The following OTUD7B variants were observed in gnomAD, a reference collection of about 807,000 sequenced individuals.
OTUD7B encodes the protein OTU domain-containing protein 7B.
Under a neutral mutation model 82.2 loss-of-function variants are expected in OTUD7B, and 34 were observed. The observed-to-expected ratio is 0.41, with a 90% confidence interval of 0.31 to 0.55. The LOEUF is 0.55. Among genes scored for constraint, OTUD7B ranks in the 20% least tolerant of loss-of-function variants. The pLI is 0.20. For missense variants in OTUD7B, 944 were observed against 1,062.1 expected (o/e 0.89, Z 1.55); for synonymous variants, 398 against 402.7 (o/e 0.99, Z 0.14).
Position 149,952,243 on chromosome 1 carries a change from C to T in OTUD7B, c.846-2022G>A, listed in dbSNP as rs1207794957. 2.7e-5 allele frequency among the ~76,000 whole-genome samples: 4 copies of T among 149,032 alleles called. 1 individual carries two copies. Among genetic ancestry groups the T allele is most frequent in the African/African-American group, 9.9e-5 (4 of 40,244 alleles). ...GGCCTTGGTGTGTGATGTTCCCCAC[C>T]CTGTGTCCAAGTGTTCTTATTGTTC... On this transcript the variant is annotated intron_variant, in intron 7 of 11. Coordinates refer to ENST00000581312, the MANE Select transcript of OTUD7B (RefSeq NM_020205.4).
chr1:149,955,620 C>G (rs1399719461), intron 7 of OTUD7B, among the ~76,000 whole-genome samples: 3 of 151,950 alleles, frequency 2.0e-5, no homozygotes, highest in Non-Finnish European at 2.9e-5. Flanking sequence ...TCTCGTTGAT[C>G]TCTCTAATGT....
the OTUD7B span, among the ~76,000 whole-genome samples, chr1:150,031,320 G>A: frequency 6.6e-6 from 1 of 152,066 alleles, no homozygotes. Context: ...TTCTGGCTCA[G>A]TGCTCTTCTG....
chr1:149,986,085 T>C (rs1340617256), intron 1 of OTUD7B, among the ~76,000 whole-genome samples: 2 of 152,118 alleles, frequency 1.3e-5, no homozygotes, highest in East Asian at 3.9e-4. Context: ...CCCTGCATGG[T>C]AGTTGTGTTT....
chr1:149,992,762 G>A (rs1370638699), intron 1 of OTUD7B, among the ~76,000 whole-genome samples: 5 of 152,044 alleles, frequency 3.3e-5, no homozygotes, highest in Non-Finnish European at 5.9e-5. Flanking sequence ...GTGAGCCACC[G>A]GGCTGGCCTA....
the OTUD7B span, among the ~76,000 whole-genome samples, chr1:150,037,375 ATACAGCT>A: frequency 3.3e-5 from 5 of 152,168 alleles, no homozygotes; most frequent in African/African-American, 1.2e-4. Context: ...CAGTAAAGGC[ATACAGCT>A]CCAAGAACAA....
At chr1:150,056,133 C>A in the OTUD7B span, among the ~76,000 whole-genome samples, 1 of 152,130 alleles carries the variant, frequency 6.6e-6, no homozygotes, top group Non-Finnish European at 1.5e-5. Context: ...TATGAATTTT[C>A]TAGTACTTAC....
chr1:150,026,926 T>C, the OTUD7B span, among the ~76,000 whole-genome samples: 3 of 152,204 alleles, frequency 2.0e-5, no homozygotes, highest in African/African-American at 7.2e-5. Context: ...AGTATATTTA[T>C]ATTTAGAATT....
chr1:149,950,782 G>GTT (rs1164770650), intron 7 of OTUD7B, among the ~76,000 whole-genome samples: 1 of 139,326 alleles, frequency 7.2e-6, no homozygotes, highest in African/African-American at 2.7e-5. Context: ...TCTCCCGTGT[G>GTT]TTTTTTGTTT....
chr1:149,949,966 C>G, intron 8 of OTUD7B, 128 bp downstream of exon 8: 1 of 1,382,776 alleles, frequency 7.2e-7, no homozygotes, highest in Non-Finnish European at 9.8e-7. Context: ...TTGCACTATT[C>G]TAATTGATAA....
At chr1:149,977,747 C>T (rs374901850) in intron 1 of OTUD7B, among the ~76,000 whole-genome samples, 171 bp from the exon 2 acceptor site, 10 of 152,144 alleles carry the variant, frequency 6.6e-5, no homozygotes, top group African/African-American at 2.2e-4. Context: ...TATTTCCTAA[C>T]TCTTCATTAA....
chr1:150,029,957 T>C, the OTUD7B span, among the ~76,000 whole-genome samples: 3 of 152,156 alleles, frequency 2.0e-5, no homozygotes, highest in African/African-American at 7.2e-5. Context: ...CCAGGTCCCA[T>C]AGTCAAACTG....
At chr1:150,057,490 T>A in the OTUD7B span, among the ~76,000 whole-genome samples, 8 of 152,266 alleles carry the variant, frequency 5.3e-5, no homozygotes, top group African/African-American at 1.9e-4. Flanking sequence ...TCCCATGAGT[T>A]GACTAGTGTC....
chr1:149,962,416 G>A (rs1313455976), intron 6 of OTUD7B: 1 of 152,150 alleles, frequency 6.6e-6, no homozygotes, highest in Non-Finnish European at 1.5e-5. Flanking sequence ...GGGTAATAAT[G>A]CTATGAATGG....
chr1:150,004,034 G>A (rs1254475992), intron 1 of OTUD7B, among the ~76,000 whole-genome samples: 8 of 152,110 alleles, frequency 5.3e-5, no homozygotes, highest in African/African-American at 1.9e-4. Context: ...ACGTGTCACA[G>A]TTGTAGTTGA....
At chr1:150,015,419 GAGT>G (rs202080932), upstream of OTUD7B, among the ~76,000 whole-genome samples, 1,377 of 150,700 alleles carry the variant, frequency 9.1e-3, 22 homozygotes, top group African/African-American at 0.032. Flanking sequence ...TCAGCCTCCA[GAGT>G]ACCTGGGATT....
upstream of OTUD7B, among the ~76,000 whole-genome samples, chr1:150,013,708 G>A (rs1162342762): frequency 6.6e-6 from 1 of 150,598 alleles, no homozygotes; most frequent in Non-Finnish European, 1.5e-5. Context: ...GGATCATGAG[G>A]TCAGGAGATT....
intron 1 of OTUD7B, among the ~76,000 whole-genome samples, chr1:149,984,406 A>G (rs11205309): frequency 6.6e-6 from 1 of 152,026 alleles, no homozygotes; most frequent in South Asian, 2.1e-4. Flanking sequence ...TATAAGATGA[A>G]CACAATCATC....
intron 5 of OTUD7B, among the ~76,000 whole-genome samples, chr1:149,964,679 C>T (rs587719931): frequency 1.3e-5 from 2 of 151,990 alleles, no homozygotes; most frequent in East Asian, 1.9e-4. Context: ...CCGCAACTTC[C>T]GCCTCCCATG....
intron 6 of OTUD7B, chr1:149,962,342 C>G (rs1181907525): frequency 6.6e-6 from 1 of 152,192 alleles, no homozygotes; most frequent in Admixed American, 6.5e-5. Context: ...GGTTTTGGTA[C>G]TGGGGAGCTA....
Sources: gnomAD v4.1 joint callset for allele counts (sites outside exome capture counted in the v4.1 genomes callset) on GRCh38, gnomAD v4.1.1 for gene constraint, MANE v1.5 for transcripts, NCBI Gene and HGNC (gene_info 2026-07-23, HGNC 2026-07-21) for gene names.